Variants in IL1RAPL2 observed in about 807,000 individuals in gnomAD.
The protein encoded by IL1RAPL2 is X-linked interleukin-1 receptor accessory protein-like 2.
IL1RAPL2 carries 3 observed loss-of-function variants against 44.1 expected under a neutral mutation model. That is an observed-to-expected ratio of 0.07 (90% confidence interval 0.03 to 0.18). IL1RAPL2 has a LOEUF of 0.18. Among genes scored for constraint, IL1RAPL2 ranks in the 10% least tolerant of loss-of-function variants. IL1RAPL2 has a pLI of 1.00. For synonymous variants in IL1RAPL2, 181 were observed against 178.8 expected (o/e 1.01, Z -0.10); for missense variants, 391 against 496.4 (o/e 0.79, Z 2.02).
At chrX:105,076,394 TG>T (rs1198466764) in intron 2 of IL1RAPL2, among the ~76,000 whole-genome samples, 6 of 112,210 alleles carry the variant, frequency 5.3e-5, no homozygotes, top group African/African-American at 1.6e-4. Flanking sequence ...TTGATTGCAC[TG>T]TGGTCTGAGA....
intron 2 of IL1RAPL2, among the ~76,000 whole-genome samples, chrX:104,994,617 C>T (rs766963184): frequency 9.0e-6 from 1 of 111,278 alleles, no homozygotes; most frequent in African/African-American, 3.3e-5. Context: ...TAAAGCATAT[C>T]TAGTTCATTA....
At chrX:105,413,677 G>A (rs1009994881) in intron 5 of IL1RAPL2, among the ~76,000 whole-genome samples, 28 of 112,241 alleles carry the variant, frequency 2.5e-4, no homozygotes, top group African/African-American at 8.1e-4. Context: ...AAATCATTAC[G>A]TTTGTGGTAA....
At chrX:105,395,693 A>G (rs2035557055) in intron 5 of IL1RAPL2, among the ~76,000 whole-genome samples, 1 of 111,436 alleles carries the variant, frequency 9.0e-6, no homozygotes, top group Non-Finnish European at 1.9e-5. Context: ...CCCCTTCCCA[A>G]ATATTTTTAT....
intron 5 of IL1RAPL2, among the ~76,000 whole-genome samples, chrX:105,390,803 A>G (rs1377435976): frequency 9.0e-6 from 1 of 111,193 alleles, no homozygotes; most frequent in African/African-American, 3.3e-5. Context: ...TTGGCCTCTT[A>G]TATATCTAGG....
In IL1RAPL2 at chrX:105,302,940, G is replaced by T. The variant is rs759563996; in HGVS notation, c.697+35399G>T. 8.9e-5 allele frequency among the ~76,000 whole-genome samples: 10 copies of T among 111,917 alleles called. No homozygotes were observed. The South Asian group carries it at 3.7e-3, about 42-fold the overall frequency. On this transcript the variant is annotated intron_variant, in intron 5 of 10. Transcript: ENST00000372582. ...TTCTGACCGCTGGGTTGGATGATTTGCCCCTGGCTAGGGCTTGTCTAAATG... is the reference window on the plus strand; with the variant it reads ...TTCTGACCGCTGGGTTGGATGATTTTCCCCTGGCTAGGGCTTGTCTAAATG...
chrX:105,318,219 C>T (rs1234225058), intron 5 of IL1RAPL2, among the ~76,000 whole-genome samples: 1 of 111,030 alleles, frequency 9.0e-6, no homozygotes, highest in Non-Finnish European at 1.9e-5. Context: ...GTGATCCGCC[C>T]ACCTCGGCCT....
chrX:105,706,328 A>G (rs1280508804), intron 6 of IL1RAPL2, among the ~76,000 whole-genome samples: 1 of 112,254 alleles, frequency 8.9e-6, no homozygotes, highest in East Asian at 2.8e-4. Flanking sequence ...AAAGAAAAAA[A>G]TGCACATTAC....
At position 104,782,890 on chromosome X, in the gene IL1RAPL2, GTGT is replaced by G. The variant is rs1932781616; in HGVS notation, c.82+123897_82+123899del. 2.7e-5 allele frequency among the ~76,000 whole-genome samples: 3 copies of G among 111,960 alleles called. No individual in the cohort carries two copies. In the South Asian group the frequency reaches 1.1e-3, roughly 42 times the overall value. On this transcript the variant is annotated intron_variant, in intron 2 of 10. Coordinates refer to ENST00000372582, the MANE Select transcript of IL1RAPL2 (RefSeq NM_017416.2). ...GTTGTATAGATGCTCTCCCATAGTG[GTGT>G]TAGAGTCTGTGGATTTACAGAAGAG...
chrX:104,587,694 C>T (rs1328614509), intron 1 of IL1RAPL2, among the ~76,000 whole-genome samples: 2 of 112,288 alleles, frequency 1.8e-5, no homozygotes, highest in Admixed American at 9.5e-5. Flanking sequence ...AGAGTGTTTT[C>T]TTTTTCAATC....
intron 5 of IL1RAPL2, chrX:105,406,330 C>A: frequency 1.9e-6 from 2 of 1,066,683 alleles, no homozygotes; most frequent in Non-Finnish European, 2.6e-6. Flanking sequence ...TTTTGAACTC[C>A]TTGCGTCATG....
At chrX:105,363,223 G>T (rs1045856620) in intron 5 of IL1RAPL2, among the ~76,000 whole-genome samples, 9 of 96,839 alleles carry the variant, frequency 9.3e-5, no homozygotes, top group Non-Finnish European at 1.6e-4. Flanking sequence ...GTATAGTATT[G>T]CATTATGTAT....
chrX:105,475,741 C>T (rs780724955), intron 5 of IL1RAPL2, among the ~76,000 whole-genome samples: 1 of 110,828 alleles, frequency 9.0e-6, no homozygotes, highest in Non-Finnish European at 1.9e-5. Flanking sequence ...TCCATTTCCC[C>T]CAAGGTTGTT....
chrX:104,580,559 A>G (rs1172597469), intron 1 of IL1RAPL2, among the ~76,000 whole-genome samples: 3 of 112,408 alleles, frequency 2.7e-5, no homozygotes, highest in Non-Finnish European at 5.6e-5. Flanking sequence ...AGATTGTCAG[A>G]CCAAGAAATT....
chrX:104,580,925 G>A (rs1356744276), intron 1 of IL1RAPL2, among the ~76,000 whole-genome samples: 1 of 112,130 alleles, frequency 8.9e-6, no homozygotes, highest in African/African-American at 3.2e-5. Flanking sequence ...TGAACTATGT[G>A]CCTTTAGGTG....
intron 2 of IL1RAPL2, among the ~76,000 whole-genome samples, chrX:104,760,329 C>T (rs761368641): frequency 8.2e-4 from 92 of 111,796 alleles, no homozygotes; most frequent in African/African-American, 2.9e-3. Flanking sequence ...TATGGTAGCT[C>T]AATTTTTAGT....
At chrX:104,941,441 C>G (rs749311929) in intron 2 of IL1RAPL2, among the ~76,000 whole-genome samples, 3 of 111,987 alleles carry the variant, frequency 2.7e-5, no homozygotes, top group African/African-American at 9.7e-5. Flanking sequence ...ATTTGTATTT[C>G]TCTGATGGTC....
chrX:105,423,503 A>G (rs1483690290), intron 5 of IL1RAPL2, among the ~76,000 whole-genome samples: 1 of 111,352 alleles, frequency 9.0e-6, no homozygotes, highest in Non-Finnish European at 1.9e-5. Context: ...TTTGTTACCC[A>G]TAATTTGGAA....
rs148312790 is a variant in IL1RAPL2 at position 104,863,423 on chromosome X, A to G, written c.82+204428A>G. ...CAAATTCCATTATGTTATATCTGCTATGTAACATAAGACCTTTCATATGAA... is the reference window on the plus strand; with the variant it reads ...CAAATTCCATTATGTTATATCTGCTGTGTAACATAAGACCTTTCATATGAA... On this transcript the variant is annotated intron_variant, in intron 2 of 10. Transcript: ENST00000372582. Among the ~76,000 whole-genome samples the G allele has an allele frequency of 6.3e-3, 710 of 112,342 alleles. 3 individuals carry two copies. Among genetic ancestry groups the G allele is most frequent in the African/African-American group, 0.022 (676 of 30,927 alleles).
Position 105,195,699 on chromosome X carries a change from T to G in IL1RAPL2, c.307T>G (p.Phe103Val). Residue 103 changes from phenylalanine to valine, a missense_variant, in exon 3 of 11, where the codon TTT becomes GTT. Coordinates refer to ENST00000372582, the MANE Select transcript of IL1RAPL2 (RefSeq NM_017416.2). ...RMSKEEDSIW[F>V]HSAEAQDSGF... ...GAGCAAAGAGGAAGATTCAATATGG[T>G]TTCACTCAGCTGAGGCACAAGACAG... The G allele has an allele frequency of 8.3e-7, 1 of 1,210,154 alleles. No individual in the cohort carries two copies. Among genetic ancestry groups the G allele is most frequent in the African/African-American group, 1.7e-5 (1 of 57,348 alleles).
Sources: gnomAD v4.1 joint callset for allele counts (sites outside exome capture counted in the v4.1 genomes callset) on GRCh38, gnomAD v4.1.1 for gene constraint, MANE v1.5 for transcripts, NCBI Gene and HGNC (gene_info 2026-07-23, HGNC 2026-07-21) for gene names.